PLEKHA6: variants seen among roughly 807,000 people sequenced by gnomAD.
PLEKHA6 encodes the protein pleckstrin homology domain containing A6, also known as pleckstrin homology domain-containing family A member 6.
PLEKHA6 carries 60 observed loss-of-function variants against 116.7 expected under a neutral mutation model. The observed-to-expected ratio is 0.51, with a 90% CI of 0.42 to 0.64. The LOEUF (loss-of-function observed/expected upper bound fraction) is 0.64. Ranked by LOEUF, PLEKHA6 falls within the 30% of genes least tolerant of loss-of-function variation. The pLI is 0.00. For synonymous variants in PLEKHA6, 489 were observed against 556.1 expected (o/e 0.88, Z 1.70); for missense variants, 1,338 against 1,422.7 (o/e 0.94, Z 0.96).
At chr1:204,337,726 A>T (rs960754554) in intron 1 of PLEKHA6, among the ~76,000 whole-genome samples, 1 of 151,992 alleles carries the variant, frequency 6.6e-6, no homozygotes, top group Non-Finnish European at 1.5e-5. Flanking sequence ...TGGGGGGGGA[A>T]TCCAGGGAAA....
intron 17 of PLEKHA6, among the ~76,000 whole-genome samples, chr1:204,232,383 A>C (rs1355151062): frequency 6.6e-6 from 1 of 152,194 alleles, no homozygotes; most frequent in Non-Finnish European, 1.5e-5. Context: ...ATTGTAGGAA[A>C]AGTGTGCCCT....
chr1:204,367,494 C>T (rs764056002), intron 3 of PLEKHA6, among the ~76,000 whole-genome samples: 2 of 152,152 alleles, frequency 1.3e-5, no homozygotes, highest in Non-Finnish European at 1.5e-5. Context: ...AGAACAGCCT[C>T]GTTCCTCTAC....
At chr1:204,308,692 T>TC (rs199992991) in intron 1 of PLEKHA6, among the ~76,000 whole-genome samples, 5 of 120,478 alleles carry the variant, frequency 4.2e-5, no homozygotes, top group African/African-American at 1.3e-4. Flanking sequence ...TTTTTCTTTT[T>TC]TTTTTTTTTT....
rs766506961 is a variant in PLEKHA6, at chr1:204,230,624, T to C, written c.2410-38A>G. On this transcript the variant is annotated intron_variant, in intron 17 of 22. Coordinates refer to ENST00000272203, the MANE Select transcript of PLEKHA6 (RefSeq NM_014935.5). ...GAAAACAGGGCTCTGACAAGTGCCT[T>C]ATCCCCCACCCAGCTTTTCCATCCT... 7 of 1,540,628 alleles carry C rather than the reference T, an allele frequency of 4.5e-6. No individual in the cohort carries two copies. The South Asian group carries it at 8.5e-5, about 19-fold the overall frequency.
At chr1:204,345,735 C>T (rs1171047090) in intron 1 of PLEKHA6, among the ~76,000 whole-genome samples, 1 of 152,154 alleles carries the variant, frequency 6.6e-6, no homozygotes, top group East Asian at 1.9e-4. Context: ...TTCCCCCACA[C>T]TATGTTCTGC....
intron 17 of PLEKHA6, among the ~76,000 whole-genome samples, chr1:204,233,129 C>T (rs1661425685): frequency 6.6e-6 from 1 of 151,750 alleles, no homozygotes; most frequent in East Asian, 1.9e-4. Flanking sequence ...TGCTTGTCCT[C>T]CACCATTGTA....
At chr1:204,341,433 G>T (rs1406492719) in intron 1 of PLEKHA6, among the ~76,000 whole-genome samples, 2 of 152,194 alleles carry the variant, frequency 1.3e-5, no homozygotes, top group African/African-American at 2.4e-5. Context: ...TACAGATAAA[G>T]AACTGGGAGT....
At position 204,268,415 on chromosome 1, in the gene PLEKHA6, C is replaced by T. The variant is rs1392706867; in HGVS notation, c.103-103G>A. On this transcript the variant is annotated intron_variant, in intron 3 of 22. Coordinates refer to ENST00000272203, the MANE Select transcript of PLEKHA6 (RefSeq NM_014935.5). ...TAGAGCTGCTTCTCCCTAGGGTTAA[C>T]CCTGGGGTGCCCTCACACCAAGGGG... 6.6e-6 allele frequency: 4 copies of T among 608,356 alleles called. No individual in the cohort carries two copies. In the East Asian group the frequency reaches 1.3e-4, roughly 19 times the overall value. The allele number at this position is 608,356 out of a possible 1,614,324, so 37.7% of individuals were successfully genotyped here. A position where few individuals can be genotyped will look rare whatever the true frequency, so the allele number is the denominator to read the frequency against.
intron 3 of PLEKHA6, among the ~76,000 whole-genome samples, chr1:204,272,406 A>G (rs1288268640): frequency 2.0e-5 from 3 of 152,170 alleles, no homozygotes; most frequent in African/African-American, 7.2e-5. Flanking sequence ...ATCTTAAAAC[A>G]AAACCAACAA....
At position 204,273,643 on chromosome 1, in the gene PLEKHA6, C is replaced by G; in HGVS notation, c.85G>C (p.Glu29Gln). 6.2e-7 allele frequency: 1 copy of G among 1,614,052 alleles called. No homozygotes were observed. The change falls in exon 3 of 23, where the codon GAG becomes CAG. Residue 29 changes from glutamate to glutamine, a missense_variant. Coordinates refer to ENST00000272203, the MANE Select transcript of PLEKHA6 (RefSeq NM_014935.5). ...GGACTTACCCGGACGCTGGGCCGCTCTGGAGGGACCTCGGACACCATGTTG... is the reference window on the plus strand; with the variant it reads ...GGACTTACCCGGACGCTGGGCCGCTGTGGAGGGACCTCGGACACCATGTTG... The part of the protein sequence containing the change: ...NHNMVSEVPP[E>Q]RPSVRATRTA...
intron 17 of PLEKHA6, among the ~76,000 whole-genome samples, chr1:204,233,833 A>G (rs2102470386): frequency 6.6e-6 from 1 of 152,226 alleles, no homozygotes; most frequent in African/African-American, 2.4e-5. Context: ...CCAGATGGAG[A>G]TGATTTAGAT....
chr1:204,361,321 G>C (rs768402976), upstream of PLEKHA6, among the ~76,000 whole-genome samples: 14 of 152,214 alleles, frequency 9.2e-5, no homozygotes, highest in Non-Finnish European at 1.3e-4. Context: ...GCCCTTATCT[G>C]TAAAGGAATG....
chr1:204,289,734 C>T (rs1024308217), intron 1 of PLEKHA6, among the ~76,000 whole-genome samples: 1 of 152,176 alleles, frequency 6.6e-6, no homozygotes, highest in Non-Finnish European at 1.5e-5. Context: ...TGACTTAGAA[C>T]AGAAAGATGC....
At position 204,291,952 on chromosome 1, in the gene PLEKHA6, T is replaced by C. The variant is rs575434728; in HGVS notation, c.-94-17143A>G. 2.6e-5 allele frequency among the ~76,000 whole-genome samples: 4 copies of C among 152,332 alleles called. No homozygotes were observed. In the South Asian group the frequency reaches 8.3e-4, roughly 32 times the overall value. On this transcript the variant is annotated intron_variant, in intron 1 of 22. Coordinates refer to ENST00000272203, the MANE Select transcript of PLEKHA6 (RefSeq NM_014935.5). ...AAAAGAAAAGCCTTCAATTGAGACA[T>C]TAAAACAACGACTGCTATTATTGGG...
intron 13 of PLEKHA6, among the ~76,000 whole-genome samples, chr1:204,246,179 G>C (rs1273248280): frequency 5.3e-5 from 8 of 152,134 alleles, no homozygotes; most frequent in Non-Finnish European, 1.2e-4. Flanking sequence ...ACAGTTGACA[G>C]TCTAAAAGGT....
At chr1:204,247,120 G>A (rs779193518) in intron 13 of PLEKHA6, among the ~76,000 whole-genome samples, 6 of 152,134 alleles carry the variant, frequency 3.9e-5, no homozygotes, top group Non-Finnish European at 8.8e-5. Context: ...CTGGGCAACA[G>A]AGCAAGACCC....
Position 204,220,260 on chromosome 1 carries a change from A to C in PLEKHA6, c.*2528T>G, listed in dbSNP as rs1659511405. 1 of 152,236 alleles carries C rather than the reference A, an allele frequency of 6.6e-6. No individual in the cohort carries two copies. 9.4% of individuals were successfully genotyped at this position (152,236 alleles called of 1,614,324 possible). ...GGGTCTCCTTTGTGCATACAACTGC[A>C]AACAGTTCCTTCCAGAGGATTCACG... On this transcript the variant is annotated 3_prime_UTR_variant, in exon 23 of 23. Coordinates refer to ENST00000272203, the MANE Select transcript of PLEKHA6 (RefSeq NM_014935.5).
chr1:204,361,640 A>G (rs1480178620), upstream of PLEKHA6, among the ~76,000 whole-genome samples: 1 of 152,138 alleles, frequency 6.6e-6, no homozygotes, highest in African/African-American at 2.4e-5. Flanking sequence ...GGCTATAGGA[A>G]AGCTGCTCTG....
At chr1:204,369,157 T>C (rs1673724479) in intron 2 of PLEKHA6, 1 of 152,232 alleles carries the variant, frequency 6.6e-6, no homozygotes, top group African/African-American at 2.4e-5. Context: ...AGCTACCACT[T>C]AGCGAGTACT....
Sources: gnomAD v4.1 joint callset for allele counts (sites outside exome capture counted in the v4.1 genomes callset) on GRCh38, gnomAD v4.1.1 for gene constraint, MANE v1.5 for transcripts, NCBI Gene and HGNC (gene_info 2026-07-23, HGNC 2026-07-21) for gene names.